The following EFEMP2 variants were observed in gnomAD, a reference collection of about 807,000 sequenced individuals.
EFEMP2 encodes the protein EGF-containing fibulin-like extracellular matrix protein 2.
Under a neutral mutation model 55.3 loss-of-function variants are expected in EFEMP2, and 21 were observed. The observed-to-expected ratio is 0.38, with a 90% CI of 0.27 to 0.55. EFEMP2 has a LOEUF of 0.55. Among genes scored for constraint, EFEMP2 ranks in the 20% least tolerant of loss-of-function variants. The pLI, the probability that EFEMP2 is intolerant of heterozygous loss-of-function variation, is 0.77. For missense variants in EFEMP2, 513 were observed against 615.1 expected, an observed-to-expected ratio of 0.83 and a Z score of 1.76; for synonymous variants, 275 against 242.3, an observed-to-expected ratio of 1.14 and a Z score of -1.25.
Position 65,867,039 on chromosome 11 carries a change from G to T in EFEMP2, c.1211C>A (p.Pro404Gln), listed in dbSNP as rs753393039. 1.2e-6 allele frequency: 2 copies of T among 1,614,036 alleles called. No individual in the cohort carries two copies. The highest frequency in any genetic ancestry group is 1.7e-6 in the Non-Finnish European group (2 of 1,180,040). Reference sequence around the variant, plus strand: ...CACGTACTCCCGGGGGCCCGTCACCGGCCGGGCGAGGACCAGCATGGCGCT... The same window carrying T: ...CACGTACTCCCGGGGGCCCGTCACCTGCCGGGCGAGGACCAGCATGGCGCT... ...NVSAMLVLAR[P>Q]VTGPREYVLD... Residue 404 changes from proline (P) to glutamine (Q), a missense_variant, in exon 11 of 11, where the codon CCG (proline) becomes CAG (glutamine). Coordinates refer to ENST00000307998, the MANE Select transcript of EFEMP2 (RefSeq NM_016938.5).
rs547417930 is a variant in EFEMP2, at chr11:65,871,067, C to T, written c.367+90G>A. ...ATGAGGGTGTGGACATCACCAGTGG[C>T]CCTTTTGAGCTGGGGAGGAACATGA... On this transcript the variant is annotated intron_variant, in intron 4 of 10. Transcript: ENST00000307998. The T allele has an allele frequency of 3.4e-5, 49 of 1,443,270 alleles. 1 individual carries two copies. In the East Asian group the frequency reaches 8.4e-4, roughly 25 times the overall value. 89.4% of individuals were successfully genotyped at this position (1,443,270 alleles called of 1,614,324 possible).
chr11:65,869,630 T>C (rs935638032), intron 7 of EFEMP2: 5 of 611,386 alleles, frequency 8.2e-6, no homozygotes, highest in Non-Finnish European at 1.5e-5. Flanking sequence ...ACCCACATCC[T>C]CAGTCTCACC....
intron 7 of EFEMP2, 178 bp from the exon 8 acceptor site, chr11:65,868,807 C>G (rs1431909561): frequency 3.9e-6 from 3 of 773,766 alleles, no homozygotes; most frequent in Non-Finnish European, 4.2e-6. Context: ...TTTGCCCAGG[C>G]TGCCGCAGCT....
rs769395741 is a variant in EFEMP2 at position 65,867,969 on chromosome 11, C to G, written c.1062G>C (p.Arg354=). The G allele has an allele frequency of 6.2e-7, 1 of 1,614,108 alleles. No homozygotes were observed. Among genetic ancestry groups the G allele is most frequent in the Non-Finnish European group, 8.5e-7 (1 of 1,180,040 alleles). The part of the protein sequence containing the change: ...VHRYMTITSE[R]SVPADVFQIQ... Reference sequence around the variant, plus strand: ...TCTGGAACACGTCAGCGGGCACGCTCCGCTCCGAGGTGATGGTCATGTAGC... The same window carrying G: ...TCTGGAACACGTCAGCGGGCACGCTGCGCTCCGAGGTGATGGTCATGTAGC... Residue 354 remains arginine (R), a synonymous_variant, in exon 10 of 11, where the codon CGG becomes CGC. Transcript: ENST00000307998.
intron 10 of EFEMP2, 75 bp downstream of exon 10, chr11:65,867,786 C>T: frequency 6.5e-7 from 1 of 1,547,796 alleles, no homozygotes; most frequent in Admixed American, 1.7e-5. Flanking sequence ...AGCAGCCTGG[C>T]CGAGTTCCCC....
At chr11:65,869,220 G>A (rs889487838) in intron 7 of EFEMP2, 8 of 191,062 alleles carry the variant, frequency 4.2e-5, no homozygotes, top group Admixed American at 3.7e-4. Context: ...GAGCTTGGGC[G>A]GGTCACTTAA....
chr11:65,870,876 G>T, intron 4 of EFEMP2: 1 of 737,174 alleles, frequency 1.4e-6, no homozygotes, highest in East Asian at 2.7e-5. Flanking sequence ...CTGATTCCTG[G>T]ACTGTCCTTC....
chr11:65,872,073 C>T (rs1859973751), intron 2 of EFEMP2, 55 bp from the exon 3 acceptor site: 1 of 1,549,544 alleles, frequency 6.5e-7, no homozygotes. Flanking sequence ...TCCAACTGGC[C>T]AGGCCAAGAC....
chr11:65,870,864 C>T (rs1859953221), intron 4 of EFEMP2: 1 of 757,200 alleles, frequency 1.3e-6, no homozygotes, highest in Admixed American at 2.1e-5. Context: ...TCCCCAGCAA[C>T]ACTGATTCCT....
Position 65,872,676 on chromosome 11 carries a change from C to T in EFEMP2, c.-8+7G>A. ...GCCCTCCCCCACGGACGGTCACAGC[C>T]ACTCACTTGGGCCCGCGACACCCCC... On this transcript the variant is annotated splice_region_variant and intron_variant, in intron 1 of 10. Transcript: ENST00000307998. 1 of 344,356 alleles carries T rather than the reference C, an allele frequency of 2.9e-6. No homozygotes were observed. The highest frequency in any genetic ancestry group is 5.7e-6 in the Non-Finnish European group (1 of 175,282). The allele number at this position is 344,356 out of a possible 1,614,324, so 21.3% of individuals were successfully genotyped here.
chr11:65,871,384 G>A, intron 3 of EFEMP2, 21 bp from the exon 4 acceptor site: 1 of 1,612,526 alleles, frequency 6.2e-7, no homozygotes, highest in East Asian at 2.2e-5. Flanking sequence ...GGGCCTGCTG[G>A]GCACAGCCAG....
intron 5 of EFEMP2, 102 bp downstream of exon 5, chr11:65,870,434 G>C: frequency 6.4e-7 from 1 of 1,564,464 alleles, no homozygotes; most frequent in Non-Finnish European, 8.7e-7. Context: ...GAGGTGGCAG[G>C]GGCCGGGGGT....
chr11:65,870,063 G>GC (rs1308932420), intron 6 of EFEMP2, 58 bp downstream of exon 6: 2 of 1,612,368 alleles, frequency 1.2e-6, no homozygotes, highest in African/African-American at 2.7e-5. Context: ...AGAAGGGAGC[G>GC]CCCCCACCTC....
In EFEMP2 at chr11:65,868,731, G is replaced by A. The variant is rs1043258725; in HGVS notation, c.728-102C>T. ...GGCCCAGCCCCATGTTAGACTGAAT[G>A]TAGGAAGACAGAGGGGGATGAGACA... is the stretch of plus-strand genomic sequence containing the variant. On this transcript the variant is annotated intron_variant, in intron 7 of 10. Transcript: ENST00000307998. 5 of 1,512,746 alleles carry A rather than the reference G, an allele frequency of 3.3e-6. No homozygotes were observed. The African/African-American group carries it at 5.5e-5, about 17-fold the overall frequency. 93.7% of individuals were successfully genotyped at this position (1,512,746 alleles called of 1,614,324 possible). A position where few individuals can be genotyped will look rare whatever the true frequency, so the allele number is the denominator to read the frequency against.
At chr11:65,868,224 A>G in intron 9 of EFEMP2, 71 bp downstream of exon 9, 2 of 1,603,926 alleles carry the variant, frequency 1.2e-6, no homozygotes, top group South Asian at 1.1e-5. Flanking sequence ...TGGTCTGAAT[A>G]GATGCCAGTC....
rs749326725 is a variant in EFEMP2, at chr11:65,871,175, C to T, written c.349G>A (p.Asp117Asn). Reference protein sequence around the residue: ...NPCPPGYEPDDQDSCVDVDEC... With the variant: ...NPCPPGYEPDNQDSCVDVDEC... The stretch of plus-strand genomic sequence containing the variant: ...CACTCACCCACACAGCTGTCCTGAT[C>T]GTCGGGCTCATAGCCTGGTGGGCAG... Residue 117 changes from aspartate (D) to asparagine (N), a missense_variant, in exon 4 of 11, where the codon GAT becomes AAT. By Grantham distance (23) the Asp-to-Asn change is conservative. Transcript: ENST00000307998. 8.7e-6 allele frequency: 14 copies of T among 1,614,056 alleles called. No homozygotes were observed. Among genetic ancestry groups the T allele is most frequent in the Non-Finnish European group, 1.1e-5 (13 of 1,180,038 alleles).
Position 65,866,465 on chromosome 11 carries a change from T to A in EFEMP2, c.*453A>T. The A allele has an allele frequency of 1.4e-6, 1 of 701,608 alleles. No individual in the cohort carries two copies. The allele number at this position is 701,608 out of a possible 1,614,324, so 43.5% of individuals were successfully genotyped here. A position where few individuals can be genotyped will look rare whatever the true frequency, so the allele number is the denominator to read the frequency against. On this transcript the variant is annotated 3_prime_UTR_variant, in exon 11 of 11. Transcript: ENST00000307998. The stretch of plus-strand genomic sequence containing the variant: ...CTAACAGTCCAGTTGCCTCGTTTTA[T>A]AGAAAAACAGGCCCAGGGAACTACT...
chr11:65,872,167 G>A (rs1475715446), intron 2 of EFEMP2, 77 bp downstream of exon 2: 16 of 1,496,562 alleles, frequency 1.1e-5, no homozygotes, highest in East Asian at 4.9e-5. Flanking sequence ...AGACTTCCCC[G>A]GCAGCAGTCA....
chr11:65,868,601 G>A lies in EFEMP2; in HGVS notation c.756C>T (p.Tyr252=), dbSNP rs1391116927. The change falls in exon 8 of 11, where the codon TAC becomes TAT. Residue 252 remains tyrosine, a synonymous_variant. Coordinates refer to ENST00000307998, the MANE Select transcript of EFEMP2 (RefSeq NM_016938.5). ...SDIDECSYSS[Y]LCQYRCINEP... ...CGTTGATGCAGCGGTACTGACAGAG[G>A]TAGCTGGAGTAGCTACACTCATCAA... 3.7e-6 allele frequency: 6 copies of A among 1,613,946 alleles called. No individual in the cohort carries two copies. The highest frequency in any genetic ancestry group is 3.3e-4 in the Middle Eastern group (2 of 6,060).
Sources: gnomAD v4.1 joint callset for allele counts on GRCh38, gnomAD v4.1.1 for gene constraint, MANE v1.5 for transcripts, NCBI Gene and HGNC (gene_info 2026-07-23, HGNC 2026-07-21) for gene names.